The following TM9SF4 variants were observed in gnomAD, a reference collection of about 807,000 sequenced individuals.
The protein encoded by TM9SF4 is dinucleotide oxidase disulfide thiol exchanger 3 superfamily member 4.
TM9SF4 carries 26 observed loss-of-function variants against 90.4 expected under a neutral mutation model. The ratio of observed to expected loss-of-function variants is 0.29; its 90% CI spans 0.21 to 0.40. TM9SF4 has a LOEUF of 0.40. Among genes scored for constraint, TM9SF4 ranks in the 10% least tolerant of loss-of-function variants. The pLI, the probability that TM9SF4 is intolerant of heterozygous loss-of-function variation, is 1.00. For synonymous variants in TM9SF4, 293 were observed against 315.4 expected, an observed-to-expected ratio of 0.93 and a Z score of 0.75; for missense variants, 549 against 834.8, an observed-to-expected ratio of 0.66 and a Z score of 4.22.
intron 1 of TM9SF4, among the ~76,000 whole-genome samples, chr20:32,123,428 A>G (rs971004416): frequency 6.6e-6 from 1 of 151,504 alleles, no homozygotes; most frequent in Non-Finnish European, 1.5e-5. Flanking sequence ...TTTGACCTAC[A>G]GTTTTTAAAT....
intron 1 of TM9SF4, among the ~76,000 whole-genome samples, chr20:32,114,477 C>T (rs532808910): frequency 5.9e-5 from 9 of 152,118 alleles, no homozygotes; most frequent in Admixed American, 1.3e-4. Flanking sequence ...ACTACAGGCA[C>T]GCACCACATC....
intron 1 of TM9SF4, among the ~76,000 whole-genome samples, chr20:32,124,293 G>A (rs564636801): frequency 1.3e-5 from 2 of 152,292 alleles, no homozygotes; most frequent in East Asian, 3.9e-4. Flanking sequence ...TGAATTGGGG[G>A]AGAGACAAGT....
chr20:32,141,805 C>T lies in TM9SF4; in HGVS notation c.438C>T (p.Leu146=), dbSNP rs1177101228. 1 of 1,614,020 alleles carries T rather than the reference C, an allele frequency of 6.2e-7. No individual in the cohort carries two copies. The highest frequency in any genetic ancestry group is 2.2e-5 in the East Asian group (1 of 44,892). The change falls in exon 5 of 18, where the codon CTC becomes CTT. Residue 146 remains leucine, a synonymous_variant. Coordinates refer to ENST00000398022, the MANE Select transcript of TM9SF4 (RefSeq NM_014742.4). ...TGCCTGTGGCCACCCGGCTGGAGCT[C>T]TACTCCAACCGAGACAGCGATGACA... ...DNLPVATRLE[L]YSNRDSDDKK...
intron 17 of TM9SF4, 128 bp downstream of exon 17, chr20:32,161,493 C>A: frequency 1.4e-6 from 1 of 733,580 alleles, no homozygotes; most frequent in Non-Finnish European, 2.3e-6. Flanking sequence ...ACCAAAGCCA[C>A]CTAGAACTGT....
intron 1 of TM9SF4, among the ~76,000 whole-genome samples, chr20:32,122,976 G>A (rs1388612352): frequency 2.0e-5 from 3 of 151,572 alleles, no homozygotes; most frequent in Non-Finnish European, 4.4e-5. Context: ...AGACCAGCCC[G>A]GCCAACACAG....
intron 10 of TM9SF4, 149 bp from the exon 11 acceptor site, chr20:32,150,473 G>A (rs1288433775): frequency 2.3e-6 from 2 of 855,524 alleles, no homozygotes; most frequent in African/African-American, 1.7e-5. Context: ...GGACTATGCT[G>A]TTGAGAAGAC....
At chr20:32,162,386 C>T (rs1312298677) in intron 17 of TM9SF4, among the ~76,000 whole-genome samples, 1 of 152,208 alleles carries the variant, frequency 6.6e-6, no homozygotes, top group Non-Finnish European at 1.5e-5. Flanking sequence ...CTAACAGTCT[C>T]AACAGATGAT....
chr20:32,146,972 G>GT, intron 9 of TM9SF4, 117 bp downstream of exon 9: 5 of 804,780 alleles, frequency 6.2e-6, no homozygotes, highest in Non-Finnish European at 7.5e-6. Context: ...TACTAAAACA[G>GT]TTTAGTATAC....
In TM9SF4 at chr20:32,150,600, TCCTCCCTCCCTC is replaced by T; in HGVS notation, c.1088-16_1088-5del. ...CAGCCACCCTGCCTTTCTCTGCCCT[TCCTCCCTCCCTC>T]CCTCCACAGTTGTAGCCATGCTTGG... On this transcript the variant is annotated splice_polypyrimidine_tract_variant and intron_variant, in intron 10 of 17. Coordinates refer to ENST00000398022, the MANE Select transcript of TM9SF4 (RefSeq NM_014742.4). The T allele has an allele frequency of 6.2e-7, 1 of 1,613,746 alleles. No individual in the cohort carries two copies. Among genetic ancestry groups the T allele is most frequent in the Middle Eastern group, 1.7e-4 (1 of 5,968 alleles).
At chr20:32,115,874 T>C (rs1334463232) in intron 1 of TM9SF4, among the ~76,000 whole-genome samples, 1 of 131,156 alleles carries the variant, frequency 7.6e-6, no homozygotes, top group Non-Finnish European at 1.5e-5. Flanking sequence ...AGTGCAATGG[T>C]GCGATCTCAG....
At chr20:32,129,635 G>A (rs1029769858) in intron 1 of TM9SF4, among the ~76,000 whole-genome samples, 1 of 118,822 alleles carries the variant, frequency 8.4e-6, no homozygotes, top group Non-Finnish European at 1.7e-5. Context: ...GTCTCCCTTT[G>A]TCGCCCAGGA....
chr20:32,146,745 A>G, intron 8 of TM9SF4, 40 bp from the exon 9 acceptor site: 2 of 1,602,916 alleles, frequency 1.2e-6, no homozygotes, highest in Non-Finnish European at 1.7e-6. Flanking sequence ...GCTTGCTGGC[A>G]GCGCCAACTT....
chr20:32,153,955 TTA>T (rs1169574633), intron 12 of TM9SF4, among the ~76,000 whole-genome samples: 1 of 152,076 alleles, frequency 6.6e-6, no homozygotes, highest in Non-Finnish European at 1.5e-5. Flanking sequence ...GGGGTTGTCT[TTA>T]ACATCGCCAG....
chr20:32,126,251 T>G (rs533685319), intron 1 of TM9SF4, among the ~76,000 whole-genome samples: 2 of 152,304 alleles, frequency 1.3e-5, no homozygotes, highest in East Asian at 3.9e-4. Context: ...CGTCATTACC[T>G]AGGAGCTTGT....
intron 1 of TM9SF4, among the ~76,000 whole-genome samples, chr20:32,132,240 C>G (rs2122372405): frequency 6.6e-6 from 1 of 152,166 alleles, no homozygotes; most frequent in African/African-American, 2.4e-5. Context: ...CCCGTCTGAT[C>G]TAAAAATAGA....
chr20:32,161,246 A>T, intron 16 of TM9SF4, 30 bp from the exon 17 acceptor site: 4 of 1,603,856 alleles, frequency 2.5e-6, no homozygotes, highest in Non-Finnish European at 3.4e-6. Context: ...GCCCCAGGAC[A>T]ACACTGACCT....
intron 8 of TM9SF4, among the ~76,000 whole-genome samples, chr20:32,146,111 A>G (rs922459951): frequency 6.6e-6 from 1 of 152,212 alleles, no homozygotes; most frequent in Middle Eastern, 3.2e-3. Context: ...AACATTTACC[A>G]AAGGGCCAGC....
At chr20:32,124,574 G>A (rs2122345685) in intron 1 of TM9SF4, among the ~76,000 whole-genome samples, 1 of 146,350 alleles carries the variant, frequency 6.8e-6, no homozygotes, top group South Asian at 2.2e-4. Context: ...TATGACCTCT[G>A]AAGTTCTTTT....
chr20:32,151,822 C>T (rs893714304), intron 12 of TM9SF4, among the ~76,000 whole-genome samples: 1 of 151,854 alleles, frequency 6.6e-6, no homozygotes, highest in Non-Finnish European at 1.5e-5. Context: ...GCTGGGATTA[C>T]AGGCATGTGC....
Sources: allele counts gnomAD v4.1 joint callset (sites outside exome capture counted in the v4.1 genomes callset), GRCh38; gene constraint gnomAD v4.1.1; transcripts MANE v1.5; gene names NCBI Gene and HGNC (gene_info 2026-07-23, HGNC 2026-07-21).